The following PPP2R3A variants were observed in gnomAD, a reference collection of about 807,000 sequenced individuals.
PPP2R3A encodes serine/threonine-protein phosphatase 2A regulatory subunit B'' subunit alpha.
In PPP2R3A, 80 loss-of-function variants were observed where a neutral mutation model predicts 106.9. The observed-to-expected ratio is 0.75, with a 90% CI of 0.62 to 0.90. The LOEUF (loss-of-function observed/expected upper bound fraction) is 0.90, where lower values mean the gene tolerates loss of function less well. Ranked by LOEUF, PPP2R3A falls within the 40% of genes least tolerant of loss-of-function variation. The pLI, the probability that PPP2R3A is intolerant of heterozygous loss-of-function variation, is 0.00. For missense variants in PPP2R3A, 1,386 were observed against 1,350.4 expected (o/e 1.03, Z -0.41); for synonymous variants, 483 against 468.3 (o/e 1.03, Z -0.41).
intron 13 of PPP2R3A, among the ~76,000 whole-genome samples, chr3:136,115,752 G>A (rs1028265613): frequency 1.3e-5 from 2 of 152,136 alleles, no homozygotes; most frequent in East Asian, 3.9e-4. Flanking sequence ...TATGTGAAAA[G>A]ACCAGATCTA....
intron 1 of PPP2R3A, among the ~76,000 whole-genome samples, chr3:135,975,331 C>G (rs1937387085): frequency 6.6e-6 from 1 of 152,178 alleles, no homozygotes; most frequent in South Asian, 2.1e-4. Context: ...TTAGACACTT[C>G]ATCAGGGGCA....
chr3:136,070,661 T>C, intron 6 of PPP2R3A, 109 bp downstream of exon 6: 1 of 782,762 alleles, frequency 1.3e-6, no homozygotes, highest in Non-Finnish European at 1.9e-6. Flanking sequence ...TGGGTTATAA[T>C]GATTATTTCA....
chr3:135,984,327 G>C (rs1452729200), intron 1 of PPP2R3A, among the ~76,000 whole-genome samples: 1 of 152,160 alleles, frequency 6.6e-6, no homozygotes. Context: ...TTCTGAGTAT[G>C]TAACATGCGT....
chr3:136,017,410 C>G (rs183748242), intron 2 of PPP2R3A, among the ~76,000 whole-genome samples: 8 of 152,314 alleles, frequency 5.3e-5, no homozygotes, highest in Non-Finnish European at 1.0e-4. Context: ...AACTACTCAG[C>G]CTGTTAGAAC....
chr3:136,136,067 A>T (rs1351147098), intron 13 of PPP2R3A, among the ~76,000 whole-genome samples: 32 of 30,340 alleles, frequency 1.1e-3, no homozygotes, highest in African/African-American at 1.7e-3. Context: ...AAAAAAAAAA[A>T]AAAAAATTAT....
chr3:136,069,374 C>T (rs1422088343), intron 5 of PPP2R3A, among the ~76,000 whole-genome samples: 1 of 152,064 alleles, frequency 6.6e-6, no homozygotes, highest in Non-Finnish European at 1.5e-5. Flanking sequence ...ACCAGTAGTT[C>T]AAGACCAGCC....
intron 8 of PPP2R3A, among the ~76,000 whole-genome samples, chr3:136,087,245 G>GTGTC (rs1403359444): frequency 6.7e-5 from 5 of 75,128 alleles, no homozygotes; most frequent in African/African-American, 9.2e-5. Flanking sequence ...CTCTAGTCGT[G>GTGTC]TCTCTCTCTC....
chr3:136,059,246 AG>A (rs1184745641), intron 5 of PPP2R3A, among the ~76,000 whole-genome samples: 1 of 152,198 alleles, frequency 6.6e-6, no homozygotes, highest in Non-Finnish European at 1.5e-5. Flanking sequence ...CATCCAACAA[AG>A]GTCTAATATC....
At chr3:136,078,532 T>G in intron 7 of PPP2R3A, 79 bp downstream of exon 7, 4 of 921,452 alleles carry the variant, frequency 4.3e-6, no homozygotes, top group Non-Finnish European at 6.9e-6. Flanking sequence ...ATTTGAGCGC[T>G]TACTCTATTC....
At chr3:136,071,053 A>G (rs1253008451) in intron 6 of PPP2R3A, among the ~76,000 whole-genome samples, 2 of 152,232 alleles carry the variant, frequency 1.3e-5, no homozygotes, top group African/African-American at 4.8e-5. Flanking sequence ...GCACAGCCTC[A>G]TTTGGTCAGT....
chr3:135,973,721 A>G (rs1303916621), intron 1 of PPP2R3A, among the ~76,000 whole-genome samples: 2 of 152,188 alleles, frequency 1.3e-5, no homozygotes, highest in African/African-American at 2.4e-5. Flanking sequence ...TCAGCTTTTA[A>G]ACTTCCAGAA....
At chr3:136,106,384 A>G (rs1318100227) in intron 13 of PPP2R3A, 62 bp downstream of exon 13, 23 of 1,368,980 alleles carry the variant, frequency 1.7e-5, no homozygotes, top group Non-Finnish European at 2.4e-5. Context: ...CCAGAGTATT[A>G]AAACCCCCTT....
chr3:136,050,132 C>G (rs891159294), intron 5 of PPP2R3A, among the ~76,000 whole-genome samples: 1 of 152,164 alleles, frequency 6.6e-6, no homozygotes, highest in Admixed American at 6.5e-5. Flanking sequence ...AGCATAGACT[C>G]TATATGTACT....
chr3:135,974,226 A>G (rs1035448800), intron 1 of PPP2R3A, among the ~76,000 whole-genome samples: 7 of 152,146 alleles, frequency 4.6e-5, no homozygotes, highest in African/African-American at 1.7e-4. Flanking sequence ...TACATGGCTC[A>G]TTAATACTCC....
At chr3:135,976,116 A>C (rs1473484201) in intron 1 of PPP2R3A, among the ~76,000 whole-genome samples, 1 of 152,140 alleles carries the variant, frequency 6.6e-6, no homozygotes, top group African/African-American at 2.4e-5. Context: ...TTCTTCTTTC[A>C]TCTTTAGTAA....
At chr3:136,130,544 T>G (rs1938372460) in intron 13 of PPP2R3A, among the ~76,000 whole-genome samples, 1 of 152,174 alleles carries the variant, frequency 6.6e-6, no homozygotes, top group Admixed American at 6.6e-5. Flanking sequence ...TCCATGCTCA[T>G]GGATAGGAAG....
At chr3:136,133,890 C>CA (rs34515503) in intron 13 of PPP2R3A, among the ~76,000 whole-genome samples, 3,848 of 54,952 alleles carry the variant, frequency 0.07, 197 homozygotes, top group African/African-American at 0.18. Flanking sequence ...AACTCCATCT[C>CA]AAAAAAAAAA....
rs541228485 is a variant in PPP2R3A at position 136,145,082 on chromosome 3, T to C, written c.3369T>C (p.Ser1123=). ...DYETDEPASP[S]EFGNKSNKIL... ...AAACAGATGAACCTGCCTCTCCCTC[T>C]GAATTTGGAAACAAAAGCAATAAAA... The change falls in exon 14 of 14, where the codon TCT becomes TCC. Residue 1123 remains serine (S), a synonymous_variant. Coordinates refer to ENST00000264977, the MANE Select transcript of PPP2R3A (RefSeq NM_002718.5). The C allele has an allele frequency of 1.1e-5, 18 of 1,613,474 alleles. No homozygotes were observed. The highest frequency in any genetic ancestry group is 3.3e-5 in the Admixed American group (2 of 59,954).
intron 13 of PPP2R3A, among the ~76,000 whole-genome samples, chr3:136,134,416 C>A (rs1412737374): frequency 6.6e-6 from 1 of 152,106 alleles, no homozygotes; most frequent in Non-Finnish European, 1.5e-5. Flanking sequence ...GCACTGGTCA[C>A]AGGTAATTCT....
Sources: gnomAD v4.1 joint callset for allele counts (sites outside exome capture counted in the v4.1 genomes callset) on GRCh38, gnomAD v4.1.1 for gene constraint, MANE v1.5 for transcripts, NCBI Gene and HGNC (gene_info 2026-07-23, HGNC 2026-07-21) for gene names.